Variants in FOXP2 observed in about 807,000 individuals in gnomAD.
FOXP2 encodes forkhead box protein P2.
A neutral mutation model predicts 115.8 loss-of-function variants in FOXP2; 12 were observed. That is an observed-to-expected ratio of 0.10 (90% CI 0.07 to 0.17). The LOEUF (loss-of-function observed/expected upper bound fraction) is 0.17. FOXP2 is among the 10% of genes least tolerant of loss of function. FOXP2 has a pLI of 1.00. For missense variants in FOXP2, 629 were observed against 843.5 expected (o/e 0.75, Z 3.15); for synonymous variants, 328 against 297.7 (o/e 1.10, Z -1.05).
chr7:114,640,509 G>A (rs1805463181), intron 6 of FOXP2, among the ~76,000 whole-genome samples: 1 of 152,166 alleles, frequency 6.6e-6, no homozygotes, highest in South Asian at 2.1e-4. Flanking sequence ...CAGAAGTTAT[G>A]TTTGGAACAG....
intron 2 of FOXP2, among the ~76,000 whole-genome samples, chr7:114,475,693 A>T (rs1796225644): frequency 6.6e-6 from 1 of 152,104 alleles, no homozygotes; most frequent in Non-Finnish European, 1.5e-5. Context: ...GCCAAATAGT[A>T]AGCATACTTT....
intron 2 of FOXP2, among the ~76,000 whole-genome samples, chr7:114,507,282 C>T (rs1457307525): frequency 2.0e-5 from 3 of 151,804 alleles, no homozygotes; most frequent in African/African-American, 7.2e-5. Context: ...TAAAATTCTC[C>T]ATTGATTTCC....
chr7:114,376,343 A>C (rs1044718558), intron 2 of FOXP2, among the ~76,000 whole-genome samples: 2 of 152,186 alleles, frequency 1.3e-5, no homozygotes, highest in African/African-American at 4.8e-5. Context: ...CAATTATTTA[A>C]CTTCTTTTAT....
intron 1 of FOXP2, among the ~76,000 whole-genome samples, chr7:114,095,705 A>G (rs1335052348): frequency 6.6e-6 from 1 of 152,176 alleles, no homozygotes; most frequent in Non-Finnish European, 1.5e-5. Context: ...TCCTGTGCTC[A>G]TTTATATATT....
At chr7:114,628,767 G>C in intron 4 of FOXP2, 90 bp downstream of exon 4, 1 of 1,519,994 alleles carries the variant, frequency 6.6e-7, no homozygotes. Context: ...TGACAATTCA[G>C]TCTCCATTTG....
intron 2 of FOXP2, among the ~76,000 whole-genome samples, chr7:114,503,585 A>G (rs377008572): frequency 1.1e-4 from 17 of 150,908 alleles, no homozygotes; most frequent in South Asian, 1.0e-3. Context: ...TTGTTTTAAT[A>G]TAATTTATTT....
intron 16 of FOXP2, among the ~76,000 whole-genome samples, chr7:114,678,547 CTTTTTT>C (rs35525759): frequency 2.7e-4 from 13 of 48,410 alleles, no homozygotes; most frequent in Admixed American, 1.2e-3. Context: ...ATAAGTGACT[CTTTTTT>C]TTTTTTTTTT....
At chr7:114,160,337 T>C (rs1019667646), upstream of FOXP2, among the ~76,000 whole-genome samples, 1 of 152,104 alleles carries the variant, frequency 6.6e-6, no homozygotes, top group Non-Finnish European at 1.5e-5. Context: ...TTTGGGATAT[T>C]GTTTTCTGAG....
At chr7:114,260,025 G>T (rs1402638984) in intron 1 of FOXP2, among the ~76,000 whole-genome samples, 1 of 151,962 alleles carries the variant, frequency 6.6e-6, no homozygotes, top group Non-Finnish European at 1.5e-5. Flanking sequence ...GAGTAGCTGG[G>T]ATTAGCGGGG....
At chr7:114,129,751 G>A (rs1314985512) in intron 1 of FOXP2, among the ~76,000 whole-genome samples, 1 of 152,162 alleles carries the variant, frequency 6.6e-6, no homozygotes, top group African/African-American at 2.4e-5. Flanking sequence ...TTGTGTGATT[G>A]CTTTATATAC....
At chr7:114,310,381 A>C (rs1342561754) in intron 2 of FOXP2, among the ~76,000 whole-genome samples, 11 of 152,228 alleles carry the variant, frequency 7.2e-5, no homozygotes, top group Admixed American at 7.2e-4. Flanking sequence ...AAGCCTATCA[A>C]GGCCCTTCCT....
intron 3 of FOXP2, chr7:114,538,262 A>G (rs925273271): frequency 1.4e-5 from 16 of 1,141,692 alleles, no homozygotes; most frequent in Admixed American, 2.3e-5. Context: ...AGCCTATGAC[A>G]AATCTACTTA....
chr7:114,517,523 A>G (rs749798574), intron 2 of FOXP2, among the ~76,000 whole-genome samples: 23 of 152,200 alleles, frequency 1.5e-4, no homozygotes, highest in Non-Finnish European at 3.1e-4. Flanking sequence ...TTCGTTCTGC[A>G]TATCCAGAAG....
At chr7:114,308,721 G>A (rs1048858605) in intron 2 of FOXP2, among the ~76,000 whole-genome samples, 18 of 152,134 alleles carry the variant, frequency 1.2e-4, no homozygotes, top group Admixed American at 2.0e-4. Context: ...TCTATTGTAG[G>A]GTGATCTTTG....
intron 10 of FOXP2, among the ~76,000 whole-genome samples, chr7:114,655,524 G>A (rs1424100545): frequency 2.0e-5 from 3 of 152,060 alleles, no homozygotes; most frequent in South Asian, 4.1e-4. Context: ...TGGAACTAGC[G>A]ATATCTGAAG....
At chr7:114,539,888 A>G (rs1408407361) in intron 3 of FOXP2, among the ~76,000 whole-genome samples, 1 of 152,032 alleles carries the variant, frequency 6.6e-6, no homozygotes, top group Non-Finnish European at 1.5e-5. Context: ...TGCCCTTGCC[A>G]TTAATAGGGC....
At chr7:114,113,470 C>G (rs909890920) in intron 1 of FOXP2, among the ~76,000 whole-genome samples, 1 of 152,188 alleles carries the variant, frequency 6.6e-6, no homozygotes, top group Non-Finnish European at 1.5e-5. Context: ...CAGCCTTGAA[C>G]TCCTGTGCTC....
chr7:114,478,926 T>C (rs955035927), intron 2 of FOXP2, among the ~76,000 whole-genome samples: 2 of 151,682 alleles, frequency 1.3e-5, no homozygotes, highest in African/African-American at 4.8e-5. Context: ...TCTAGATCCT[T>C]ACATCACTAT....
upstream of FOXP2, chr7:114,086,453 G>A: frequency 8.8e-6 from 3 of 339,512 alleles, no homozygotes; most frequent in South Asian, 2.1e-5. Context: ...GGCCGCGTCC[G>A]CTGGCTGCGG....
Sources: gnomAD v4.1 joint callset for allele counts (sites outside exome capture counted in the v4.1 genomes callset) on GRCh38, gnomAD v4.1.1 for gene constraint, MANE v1.5 for transcripts, NCBI Gene and HGNC (gene_info 2026-07-23, HGNC 2026-07-21) for gene names.